ARHGEF18: variants seen among roughly 807,000 people sequenced by gnomAD.
ARHGEF18 encodes the protein Rho/Rac guanine nucleotide exchange factor 18.
ARHGEF18 carries 93 observed loss-of-function variants against 155.7 expected under a neutral mutation model. The observed-to-expected ratio is 0.60, with a 90% CI of 0.50 to 0.71. The LOEUF is 0.71. Among genes scored for constraint, ARHGEF18 ranks in the 30% least tolerant of loss-of-function variants. ARHGEF18 has a pLI of 0.00. For synonymous variants in ARHGEF18, 742 were observed against 753.1 expected, an observed-to-expected ratio of 0.99 and a Z score of 0.24; for missense variants, 1,593 against 1,816.1, an observed-to-expected ratio of 0.88 and a Z score of 2.23.
intron 1 of ARHGEF18, among the ~76,000 whole-genome samples, chr19:7,357,220 G>C (rs1344094344): frequency 6.6e-6 from 1 of 152,206 alleles, no homozygotes; most frequent in East Asian, 1.9e-4. Flanking sequence ...GGCAGCTGGA[G>C]TGCCTGGGGA....
intron 10 of ARHGEF18, among the ~76,000 whole-genome samples, chr19:7,418,972 C>T (rs1973168991): frequency 6.6e-6 from 1 of 151,930 alleles, no homozygotes; most frequent in Non-Finnish European, 1.5e-5. Context: ...TGTGTCTGCT[C>T]TCCAGCCCCC....
At chr19:7,393,833 C>G (rs578059588) in intron 10 of ARHGEF18, among the ~76,000 whole-genome samples, 1 of 147,912 alleles carries the variant, frequency 6.8e-6, no homozygotes, top group African/African-American at 2.5e-5. Flanking sequence ...TCTGCTGGAC[C>G]TATGTGGAGT....
intron 10 of ARHGEF18, among the ~76,000 whole-genome samples, chr19:7,429,406 C>T (rs1568326241): frequency 6.6e-6 from 1 of 152,096 alleles, no homozygotes; most frequent in African/African-American, 2.4e-5. Flanking sequence ...CTTTTGAGAC[C>T]AGCTTGGCCA....
rs1969689766 is a variant in ARHGEF18 at position 7,362,910 on chromosome 19, G to A, written c.15+5G>A. ...TCTGCCATGGGGGATGATCAGGCAG[G>A]TGTCTGACTGCTGAAACGGGCAGGA... On this transcript the variant is annotated splice_donor_5th_base_variant and intron_variant, in intron 2 of 28. Transcript: ENST00000668164. The A allele has an allele frequency of 6.5e-6, 8 of 1,234,228 alleles. No individual in the cohort carries two copies. The South Asian group carries it at 3.3e-4, about 51-fold the overall frequency. 76.5% of individuals were successfully genotyped at this position (1,234,228 alleles called of 1,614,324 possible).
At chr19:7,456,436 G>C (rs1975834726) in intron 18 of ARHGEF18, 33 bp downstream of exon 18, 1 of 1,598,426 alleles carries the variant, frequency 6.3e-7, no homozygotes, top group Non-Finnish European at 8.6e-7. Flanking sequence ...CGAAGGGTCG[G>C]CTGGGTGCTG....
At chr19:7,388,058 G>T (rs932730299) in intron 10 of ARHGEF18, among the ~76,000 whole-genome samples, 2 of 152,050 alleles carry the variant, frequency 1.3e-5, no homozygotes, top group Non-Finnish European at 2.9e-5. Context: ...CAAGCAAGGT[G>T]AGTGGCTTAT....
intron 1 of ARHGEF18, among the ~76,000 whole-genome samples, chr19:7,351,166 T>A (rs896844583): frequency 6.6e-6 from 1 of 152,174 alleles, no homozygotes; most frequent in South Asian, 2.1e-4. Flanking sequence ...TCAGAAAACA[T>A]TGTCAGCCTC....
intron 10 of ARHGEF18, chr19:7,439,703 C>T: frequency 8.0e-7 from 1 of 1,256,280 alleles, no homozygotes; most frequent in Non-Finnish European, 1.0e-6. Context: ...CCATGCCCTG[C>T]CATCTCTGGG....
At chr19:7,410,790 G>T (rs1469083509) in intron 10 of ARHGEF18, among the ~76,000 whole-genome samples, 2 of 138,132 alleles carry the variant, frequency 1.4e-5, no homozygotes, top group East Asian at 4.2e-4. Context: ...AGCCTGGGCA[G>T]CAGCGTGAGA....
chr19:7,460,025 C>T (rs553168722), intron 20 of ARHGEF18, 31 bp downstream of exon 20: 272 of 1,549,508 alleles, frequency 1.8e-4, no homozygotes, highest in Middle Eastern at 1.3e-3. Flanking sequence ...GGGCACACCC[C>T]TTGTGTGGTG....
Position 7,431,670 on chromosome 19 carries a change from C to CT in ARHGEF18, c.968-8674_968-8673insT, listed in dbSNP as rs1289261122. On this transcript the variant is annotated intron_variant, in intron 10 of 28. Coordinates refer to ENST00000668164, the MANE Select transcript of ARHGEF18 (RefSeq NM_001367823.1). ...GTCTCTACTAAAAATACAAAATTAG[C>CT]GGGCGTGGCGGCGCATGCCTGTAAT... Among the ~76,000 whole-genome samples the CT allele has an allele frequency of 1.1e-4, 17 of 152,094 alleles. No individual in the cohort carries two copies. The East Asian group carries it at 1.2e-3, about 10-fold the overall frequency.
At chr19:7,477,883 G>A in the ARHGEF18 span, among the ~76,000 whole-genome samples, 11 of 152,322 alleles carry the variant, frequency 7.2e-5, no homozygotes, top group East Asian at 5.8e-4. Flanking sequence ...TTAGCCAGGC[G>A]TGCTGGCCCG....
intron 3 of ARHGEF18, among the ~76,000 whole-genome samples, chr19:7,373,637 G>A (rs534546704): frequency 7.9e-5 from 12 of 151,518 alleles, no homozygotes; most frequent in African/African-American, 1.5e-4. Context: ...CACCACACCC[G>A]GCTAATGTTT....
At chr19:7,457,743 G>T (rs947297781) in intron 18 of ARHGEF18, among the ~76,000 whole-genome samples, 1 of 152,044 alleles carries the variant, frequency 6.6e-6, no homozygotes, top group African/African-American at 2.4e-5. Flanking sequence ...ATATGAATTT[G>T]TGGGGAACAC....
At chr19:7,384,694 T>A (rs866552352) in intron 10 of ARHGEF18, among the ~76,000 whole-genome samples, 16,700 of 146,706 alleles carry the variant, frequency 0.11, 1,731 homozygotes, top group African/African-American at 0.28. Flanking sequence ...TTTGCAAAAT[T>A]TTTTTTTTTT....
At chr19:7,375,911 T>C (rs1240881543) in intron 4 of ARHGEF18, 41 bp downstream of exon 4, 5 of 1,234,090 alleles carry the variant, frequency 4.1e-6, no homozygotes, top group Middle Eastern at 4.1e-4. Flanking sequence ...TAGCACACTT[T>C]TGGGTTTAGA....
intron 10 of ARHGEF18, among the ~76,000 whole-genome samples, chr19:7,405,138 T>A (rs536372879): frequency 4.0e-4 from 61 of 151,988 alleles, no homozygotes; most frequent in Non-Finnish European, 7.8e-4. Flanking sequence ...TTTATATTTT[T>A]AGTAGACACG....
chr19:7,407,297 G>GATTA (rs1972375751), intron 10 of ARHGEF18, among the ~76,000 whole-genome samples: 1 of 151,654 alleles, frequency 6.6e-6, no homozygotes, highest in Non-Finnish European at 1.5e-5. Context: ...GTGGTGGCGG[G>GATTA]CACCTGTAAT....
At chr19:7,417,108 C>T (rs12610271) in intron 10 of ARHGEF18, among the ~76,000 whole-genome samples, 99,596 of 151,790 alleles carry the variant, frequency 0.66, 33,121 homozygotes, top group Middle Eastern at 0.78. Flanking sequence ...CAGGGTTTCA[C>T]TATGTTGGTC....
Sources: allele counts gnomAD v4.1 joint callset (sites outside exome capture counted in the v4.1 genomes callset), GRCh38; gene constraint gnomAD v4.1.1; transcripts MANE v1.5; gene names NCBI Gene and HGNC (gene_info 2026-07-23, HGNC 2026-07-21).